Variants in ADGRL2 observed in about 807,000 individuals in gnomAD.
ADGRL2 encodes calcium-independent alpha-latrotoxin receptor 2.
Under a neutral mutation model 157.4 loss-of-function variants are expected in ADGRL2, and 44 were observed. The ratio of observed to expected loss-of-function variants is 0.28; its 90% CI spans 0.22 to 0.36. ADGRL2 has a LOEUF of 0.36. Ranked by LOEUF, ADGRL2 falls within the 10% of genes least tolerant of loss-of-function variation. The pLI, the probability that ADGRL2 is intolerant of heterozygous loss-of-function variation, is 1.00. For missense variants in ADGRL2, 1,510 were observed against 1,768.9 expected, an observed-to-expected ratio of 0.85 and a Z score of 2.63; for synonymous variants, 585 against 624.7, an observed-to-expected ratio of 0.94 and a Z score of 0.95.
intron 1 of ADGRL2, among the ~76,000 whole-genome samples, chr1:81,421,013 C>CA (rs1487429667): frequency 2.0e-5 from 3 of 152,108 alleles, no homozygotes; most frequent in Admixed American, 6.6e-5. Flanking sequence ...TGAAACCACA[C>CA]AAAAAACCTC....
At chr1:81,928,902 GAA>G (rs897856495) in intron 3 of ADGRL2, among the ~76,000 whole-genome samples, 2 of 143,566 alleles carry the variant, frequency 1.4e-5, no homozygotes, top group Admixed American at 1.4e-4. Flanking sequence ...AGTAACTCAG[GAA>G]AAAAAAAAAG....
chr1:81,496,152 C>T (rs1445895993), intron 2 of ADGRL2, among the ~76,000 whole-genome samples: 4 of 152,078 alleles, frequency 2.6e-5, no homozygotes, highest in Admixed American at 1.3e-4. Context: ...TAGGAAATGT[C>T]ACAATCGTTT....
At chr1:81,692,797 A>G (rs1444135602) in intron 3 of ADGRL2, among the ~76,000 whole-genome samples, 2 of 152,194 alleles carry the variant, frequency 1.3e-5, no homozygotes, top group Non-Finnish European at 2.9e-5. Context: ...TTAGATGTCA[A>G]TAGTTTAAAA....
chr1:81,586,783 TCA>T (rs959235854), intron 3 of ADGRL2, among the ~76,000 whole-genome samples: 10 of 152,098 alleles, frequency 6.6e-5, no homozygotes, highest in African/African-American at 2.2e-4. Context: ...CAATTTTCTC[TCA>T]CTTTCTCCTT....
chr1:81,766,300 G>A (rs1250109055), intron 2 of ADGRL2, among the ~76,000 whole-genome samples: 1 of 152,026 alleles, frequency 6.6e-6, no homozygotes, highest in Non-Finnish European at 1.5e-5. Context: ...CTTGATGAGT[G>A]GTTAGCCCAT....
At chr1:81,815,589 T>C (rs1557696105) in intron 1 of ADGRL2, among the ~76,000 whole-genome samples, 1 of 151,796 alleles carries the variant, frequency 6.6e-6, no homozygotes, top group Non-Finnish European at 1.5e-5. Flanking sequence ...ATCAGAGTCT[T>C]TATTAGTATT....
chr1:81,699,984 G>GC (rs2083527298), intron 1 of ADGRL2, among the ~76,000 whole-genome samples: 3 of 152,276 alleles, frequency 2.0e-5, no homozygotes, highest in Admixed American at 1.3e-4. Flanking sequence ...GAGATAGCCA[G>GC]CCCCTGCAAT....
At position 81,718,212 on chromosome 1, in the gene ADGRL2, G is replaced by T. The variant is rs12723472; in HGVS notation, c.-143+18404G>T. Among the ~76,000 whole-genome samples the T allele has an allele frequency of 2.0e-5, 3 of 152,174 alleles. No individual in the cohort carries two copies. The East Asian group carries it at 5.8e-4, about 30-fold the overall frequency. On this transcript the variant is annotated intron_variant, in intron 1 of 20. Transcript: ENST00000359929. ...TTTTTGTATTTTTAGTAGAGACAGG[G>T]TTTCACCATGTTGGCCAGGATGGTC...
At chr1:81,701,106 C>G (rs2149031834) in intron 1 of ADGRL2, among the ~76,000 whole-genome samples, 1 of 152,288 alleles carries the variant, frequency 6.6e-6, no homozygotes, top group East Asian at 1.9e-4. Flanking sequence ...AGTTAGCAAA[C>G]AGATTTCAGA....
intron 10 of ADGRL2, among the ~76,000 whole-genome samples, chr1:81,953,532 A>G (rs912711381): frequency 5.9e-5 from 9 of 152,326 alleles, no homozygotes; most frequent in African/African-American, 2.2e-4. Context: ...TAAAAATGAA[A>G]TATGAATATA....
At chr1:81,761,361 G>A (rs2085875366) in intron 1 of ADGRL2, among the ~76,000 whole-genome samples, 1 of 151,766 alleles carries the variant, frequency 6.6e-6, no homozygotes, top group Admixed American at 6.6e-5. Context: ...TGATCTCAGC[G>A]TATTTTTCTC....
At chr1:81,767,660 C>G (rs1435517004) in intron 2 of ADGRL2, among the ~76,000 whole-genome samples, 4 of 151,706 alleles carry the variant, frequency 2.6e-5, no homozygotes, top group Non-Finnish European at 4.4e-5. Flanking sequence ...TCACTTAAAT[C>G]CAGGAGTTCG....
chr1:81,537,806 T>G (rs2079781385), intron 2 of ADGRL2, among the ~76,000 whole-genome samples: 1 of 151,602 alleles, frequency 6.6e-6, no homozygotes, highest in Admixed American at 6.6e-5. Flanking sequence ...TTCAAGTGAT[T>G]CTCCTGCCTC....
intron 2 of ADGRL2, among the ~76,000 whole-genome samples, chr1:81,874,365 G>A (rs562372904): frequency 1.3e-5 from 2 of 152,092 alleles, no homozygotes; most frequent in Non-Finnish European, 2.9e-5. Context: ...TACATATTGT[G>A]TAAAATTTAT....
intron 3 of ADGRL2, among the ~76,000 whole-genome samples, chr1:81,682,103 A>ATATGTGTGTGTGTG (rs141980830): frequency 2.5e-4 from 37 of 148,036 alleles, no homozygotes; most frequent in African/African-American, 8.3e-4. Context: ...ATACATATAT[A>ATATGTGTGTGTGTG]TGTGTGTGTG....
At chr1:81,988,450 T>G (rs1262830865) in intron 23 of ADGRL2, 1 of 149,622 alleles carries the variant, frequency 6.7e-6, no homozygotes, top group African/African-American at 2.5e-5. Context: ...CACTCATACC[T>G]TTAAGTGCGA....
chr1:81,968,952 A>T (rs1274828767), intron 14 of ADGRL2, among the ~76,000 whole-genome samples: 1 of 152,184 alleles, frequency 6.6e-6, no homozygotes, highest in Non-Finnish European at 1.5e-5. Flanking sequence ...TTCTAGGTAA[A>T]ATCTTCCTCT....
intron 1 of ADGRL2, among the ~76,000 whole-genome samples, chr1:81,382,486 A>G (rs535908187): frequency 1.2e-3 from 183 of 152,324 alleles, no homozygotes; most frequent in Middle Eastern, 3.4e-3. Context: ...CAGAGATAAA[A>G]ATGAACTATT....
rs576542666 is a variant in ADGRL2, at chr1:81,536,973, C to T, written c.-247-43903C>T. Among the ~76,000 whole-genome samples, 3 of 152,268 alleles carry T rather than the reference C, an allele frequency of 2.0e-5. No individual in the cohort carries two copies. In the South Asian group the frequency reaches 6.2e-4, roughly 32 times the overall value. On this transcript the variant is annotated intron_variant, in intron 2 of 24. Coordinates refer to the ADGRL2 transcript ENST00000370721. ...AATATAAGGTTCTCAGTAGGCAATA[C>T]TGTGTGAAGTAAGAATAAAATTATC... is the stretch of plus-strand genomic sequence containing the variant.
Sources: allele counts gnomAD v4.1 joint callset (sites outside exome capture counted in the v4.1 genomes callset), GRCh38; gene constraint gnomAD v4.1.1; transcripts MANE v1.5; gene names NCBI Gene and HGNC (gene_info 2026-07-23, HGNC 2026-07-21).